OTOF: variants seen among roughly 807,000 people sequenced by gnomAD.
OTOF encodes otoferlin.
A neutral mutation model predicts 236.8 loss-of-function variants in OTOF; 218 were observed. That is an observed-to-expected ratio of 0.92 (90% CI 0.82 to 1.03). The LOEUF is 1.03. OTOF is among the 50% of genes least tolerant of loss of function. The probability of loss-of-function intolerance (pLI) is 0.00; values close to 1 mark genes in which losing one functional copy is unlikely to be tolerated. For missense variants in OTOF, 2,590 were observed against 2,694.4 expected, an observed-to-expected ratio of 0.96 and a Z score of 0.86; for synonymous variants, 1,041 against 1,072.5, an observed-to-expected ratio of 0.97 and a Z score of 0.57.
chr2:26,552,021 C>G (rs1342536810), intron 1 of OTOF, among the ~76,000 whole-genome samples: 1 of 144,180 alleles, frequency 6.9e-6, no homozygotes, highest in Non-Finnish European at 1.5e-5. Flanking sequence ...TTGGATGGTA[C>G]AACATAGGGC....
chr2:26,464,978 G>A lies in OTOF; in HGVS notation c.4851C>T (p.Thr1617=), dbSNP rs779862706. 6 of 1,539,892 alleles carry A rather than the reference G, an allele frequency of 3.9e-6. No homozygotes were observed. The highest frequency in any genetic ancestry group is 5.3e-6 in the Non-Finnish European group (6 of 1,138,916). ...RDPMKPSQIL[T]RLCKDGKVDG... ...CCACTTTGCCGTCTTTGCAGAGGCG[G>A]GTCAGGATCTGGCTGGGCTTCATGG... Residue 1617 remains threonine (T), a synonymous_variant, in exon 39 of 47, where the codon ACC becomes ACT. Coordinates refer to ENST00000272371, the MANE Select transcript of OTOF (RefSeq NM_194248.3).
At position 26,462,851 on chromosome 2, in the gene OTOF, G is replaced by A. The variant is rs1664544258; in HGVS notation, c.5192+632C>T. On this transcript the variant is annotated intron_variant, in intron 41 of 46. Transcript: ENST00000272371. The surrounding 1 kb of genome is among the most constrained non-coding windows in gnomAD (Gnocchi z 4.7). ...GGAAACAAGAGTGGGACCCTGTGTG[G>A]CTTCCTCCATCCCTGAAGCTGGCCC... is the stretch of plus-strand genomic sequence containing the variant. Among the ~76,000 whole-genome samples the A allele has an allele frequency of 6.6e-6, 1 of 152,216 alleles. No homozygotes were observed. The highest frequency in any genetic ancestry group is 2.4e-5 in the African/African-American group (1 of 41,446).
chr2:26,482,387 C>A lies in OTOF; in HGVS notation c.1579+19G>T. The A allele has an allele frequency of 6.2e-7, 1 of 1,611,864 alleles. No individual in the cohort carries two copies. The highest frequency in any genetic ancestry group is 8.5e-7 in the Non-Finnish European group (1 of 1,179,212). On this transcript the variant is annotated intron_variant, in intron 14 of 46. Coordinates refer to ENST00000272371, the MANE Select transcript of OTOF (RefSeq NM_194248.3). Reference sequence around the variant, plus strand: ...CCACTCCCTCTGCCCCCCAGCACACCGGGTCTCCCGCTGCTGACCTTTGTC... The same window carrying A: ...CCACTCCCTCTGCCCCCCAGCACACAGGGTCTCCCGCTGCTGACCTTTGTC...
At position 26,489,195 on chromosome 2, in the gene OTOF, A is replaced by ATGCGCAGGTACTCACCTGGCTGCGAG. The variant is rs766236346; in HGVS notation, c.1035_1045+15dup. 68 of 1,592,472 alleles carry ATGCGCAGGTACTCACCTGGCTGCGAG rather than the reference A, an allele frequency of 4.3e-5. 1 individual carries two copies. The highest frequency in any genetic ancestry group is 5.5e-5 in the Non-Finnish European group (64 of 1,164,118). ...CCATGCACACCTCGACTGACTGGCC[A>ATGCGCAGGTACTCACCTGGCTGCGAG]TGCGCAGGTACTCACCTGGCTGCGA... On this transcript the variant is annotated intron_variant, in intron 11 of 46. Transcript: ENST00000272371.
chr2:26,546,467 GA>G lies in OTOF; in HGVS notation c.80-8694del, dbSNP rs35043439. Among the ~76,000 whole-genome samples, 762 of 143,734 alleles carry G rather than the reference GA, an allele frequency of 5.3e-3. 3 individuals carry two copies. Among genetic ancestry groups the G allele is most frequent in the African/African-American group, 0.014 (561 of 38,968 alleles). 94.3% of individuals were successfully genotyped at this position (143,734 alleles called of 152,430 possible). The stretch of plus-strand genomic sequence containing the variant: ...CAAGAGTGAAACTCTGTCTCAAAAA[GA>G]AAAAAAAAAAAAATCCACATATAAG... On this transcript the variant is annotated intron_variant, in intron 1 of 46. Coordinates refer to ENST00000272371, the MANE Select transcript of OTOF (RefSeq NM_194248.3).
rs1252407016 is a variant in OTOF at position 26,466,849 on chromosome 2, G to A, written c.4365C>T (p.Gly1455=). 5.6e-6 allele frequency: 9 copies of A among 1,614,100 alleles called. No individual in the cohort carries two copies. Among genetic ancestry groups the A allele is most frequent in the Non-Finnish European group, 7.6e-6 (9 of 1,180,050 alleles). Residue 1455 remains glycine (G), a splice_region_variant and synonymous_variant, in exon 36 of 47, where the codon GGC becomes GGT. Transcript: ENST00000272371. ...EEERIVGRFK[G]SLCVYKVPLP... ...GTGGCACTTTGTACACGCAGAGGGA[G>A]CCCTGGGCAAGACAAATGTGGGTCA...
intron 5 of OTOF, among the ~76,000 whole-genome samples, chr2:26,508,933 C>T (rs1666316827): frequency 6.6e-6 from 1 of 152,172 alleles, no homozygotes; most frequent in African/African-American, 2.4e-5. Context: ...AATAACAATA[C>T]TATATGCCAG....
rs111033478 is a variant in OTOF at position 26,473,186 on chromosome 2, G to T, written c.3679C>A (p.Arg1227=). ...LVGSHAVSSL[R]RFIYRPPDRS... Reference sequence around the variant, plus strand: ...TCTGGGGGCCGGTAGATGAAGCGTCGCAGGGAGCTGACGGCATGGGAGCCC... The same window carrying T: ...TCTGGGGGCCGGTAGATGAAGCGTCTCAGGGAGCTGACGGCATGGGAGCCC... Residue 1227 remains arginine (R), a synonymous_variant, in exon 29 of 47, where the codon CGA becomes AGA. Coordinates refer to ENST00000272371, the MANE Select transcript of OTOF (RefSeq NM_194248.3). This position sits in a 1 kb window ranked among gnomAD's most constrained non-coding sequence, Gnocchi z 7.2. 2.2e-4 allele frequency: 347 copies of T among 1,613,038 alleles called. No homozygotes were observed. The Middle Eastern group carries it at 3.6e-3, about 17-fold the overall frequency.
intron 4 of OTOF, 37 bp downstream of exon 4, chr2:26,518,973 T>C (rs947308315): frequency 1.4e-6 from 2 of 1,436,132 alleles, no homozygotes; most frequent in Non-Finnish European, 1.9e-6. Flanking sequence ...GATGGCCCCA[T>C]ATGGGAAAGT....
chr2:26,516,417 C>T lies in OTOF; in HGVS notation c.509+1G>A. The T allele has an allele frequency of 6.2e-7, 1 of 1,613,416 alleles. No individual in the cohort carries two copies. The highest frequency in any genetic ancestry group is 8.5e-7 in the Non-Finnish European group (1 of 1,179,582). On this transcript the variant is annotated splice_donor_variant, in intron 5 of 46. Transcript: ENST00000272371. LOFTEE classifies it high-confidence loss of function. ...GCAGCCAGAGGGGTCCTGCCTGTTA[C>T]CTCCGGAAGCTCTTCTCTCCTGGGG... is the stretch of plus-strand genomic sequence containing the variant.
chr2:26,472,118 C>T (rs1665010181), intron 30 of OTOF, among the ~76,000 whole-genome samples: 1 of 151,762 alleles, frequency 6.6e-6, no homozygotes, highest in Non-Finnish European at 1.5e-5. Flanking sequence ...CATGTGCACA[C>T]CACACGCACG....
chr2:26,553,938 C>T (rs180769940), intron 1 of OTOF, among the ~76,000 whole-genome samples: 353 of 152,086 alleles, frequency 2.3e-3, no homozygotes, highest in African/African-American at 7.6e-3. Flanking sequence ...TTTGGGAGGC[C>T]GAGGCAGGCG....
At chr2:26,523,800 T>G (rs1666737369) in intron 3 of OTOF, among the ~76,000 whole-genome samples, 1 of 152,182 alleles carries the variant, frequency 6.6e-6, no homozygotes, top group African/African-American at 2.4e-5. Flanking sequence ...CCCCTTCCAC[T>G]CAGCTGCCCC....
chr2:26,463,611 C>T (rs768327509), intron 40 of OTOF, 40 bp from the exon 41 acceptor site: 16 of 1,491,786 alleles, frequency 1.1e-5, no homozygotes, highest in Admixed American at 1.9e-5. Flanking sequence ...AGGGCCTTCT[C>T]CCTCTGCCCA....
chr2:26,460,773 G>T lies in OTOF; in HGVS notation c.5713-26C>A, dbSNP rs372070038. On this transcript the variant is annotated intron_variant, in intron 44 of 46. Coordinates refer to ENST00000272371, the MANE Select transcript of OTOF (RefSeq NM_194248.3). The surrounding 1 kb of genome is among the most constrained non-coding windows in gnomAD (Gnocchi z 5.3). ...CTGCAGAGGACAGACAGGTCCCAGC[G>T]TCCAGGCTGCGTGCTGGGCCCTTGG... is the stretch of plus-strand genomic sequence containing the variant. 1 of 1,612,928 alleles carries T rather than the reference G, an allele frequency of 6.2e-7. No homozygotes were observed. Among genetic ancestry groups the T allele is most frequent in the Non-Finnish European group, 8.5e-7 (1 of 1,179,014 alleles).
chr2:26,530,600 T>G (rs1558518401), intron 2 of OTOF, among the ~76,000 whole-genome samples: 1 of 152,132 alleles, frequency 6.6e-6, no homozygotes, highest in South Asian at 2.1e-4. Context: ...CCTGTCTCCC[T>G]CCCGCATTTT....
chr2:26,513,616 G>C, intron 5 of OTOF, among the ~76,000 whole-genome samples: 1 of 152,206 alleles, frequency 6.6e-6, no homozygotes, highest in East Asian at 1.9e-4. Flanking sequence ...CCAGCAACGG[G>C]ATTTTCCTCT....
intron 9 of OTOF, among the ~76,000 whole-genome samples, chr2:26,490,067 C>G (rs1242431029): frequency 6.6e-6 from 1 of 152,212 alleles, no homozygotes; most frequent in Non-Finnish European, 1.5e-5. Flanking sequence ...GACCTGGGTT[C>G]TAGTCCCCGC....
intron 2 of OTOF, among the ~76,000 whole-genome samples, chr2:26,533,556 C>T (rs1262833068): frequency 6.6e-6 from 1 of 152,134 alleles, no homozygotes; most frequent in South Asian, 2.1e-4. Flanking sequence ...CACTCTAAGA[C>T]CTGTTTCTTC....
Sources: allele counts gnomAD v4.1 joint callset (sites outside exome capture counted in the v4.1 genomes callset), GRCh38; gene constraint gnomAD v4.1.1; non-coding constraint Gnocchi (gnomAD v3.1); transcripts MANE v1.5; gene names NCBI Gene and HGNC (gene_info 2026-07-23, HGNC 2026-07-21).